Variants in TNS3 observed in about 807,000 individuals in gnomAD.
TNS3 encodes tensin 3, also known as tensin-3.
A neutral mutation model predicts 140.9 loss-of-function variants in TNS3; 45 were observed. The observed-to-expected ratio is 0.32, with a 90% confidence interval of 0.25 to 0.41. The LOEUF (loss-of-function observed/expected upper bound fraction) is 0.41, where lower values mean the gene tolerates loss of function less well. TNS3 is among the 10% of genes least tolerant of loss of function. TNS3 has a pLI of 1.00. For synonymous variants in TNS3, 815 were observed against 788.4 expected (o/e 1.03, Z -0.56); for missense variants, 1,716 against 1,906.7 (o/e 0.90, Z 1.86).
chr7:47,386,530 C>T (rs1352386871), intron 16 of TNS3, among the ~76,000 whole-genome samples: 1 of 152,242 alleles, frequency 6.6e-6, no homozygotes, highest in Non-Finnish European at 1.5e-5. Flanking sequence ...GCTCACATAG[C>T]AAAGTGGTCA....
At position 47,276,983 on chromosome 7, in the gene TNS3, C is replaced by T. The variant is rs1784897715; in HGVS notation, c.*1093G>A. ...CATGTGGGGGATGCTGAGCTTAAAT[C>T]CAGGAGTTTTCCATCCCTCCTGGAC... On this transcript the variant is annotated 3_prime_UTR_variant, in exon 31 of 31. Coordinates refer to ENST00000311160, the MANE Select transcript of TNS3 (RefSeq NM_022748.12). 6.6e-6 allele frequency: 1 copy of T among 152,194 alleles called. No homozygotes were observed. The highest frequency in any genetic ancestry group is 1.5e-5 in the Non-Finnish European group (1 of 68,058). The allele number at this position is 152,194 out of a possible 1,614,324, so 9.4% of individuals were successfully genotyped here.
chr7:47,499,638 T>A (rs1185334012), intron 3 of TNS3, among the ~76,000 whole-genome samples: 1 of 152,208 alleles, frequency 6.6e-6, no homozygotes, highest in Non-Finnish European at 1.5e-5. Context: ...CATGTATGAT[T>A]CCAACCCTAT....
chr7:47,367,573 G>A (rs929654541), intron 17 of TNS3, among the ~76,000 whole-genome samples: 26 of 152,198 alleles, frequency 1.7e-4, no homozygotes, highest in African/African-American at 6.3e-4. Flanking sequence ...ACGGGAAAAG[G>A]ACATGTGCAG....
At chr7:47,460,487 GGTGGGT>G (rs1378566108) in intron 4 of TNS3, among the ~76,000 whole-genome samples, 1 of 152,174 alleles carries the variant, frequency 6.6e-6, no homozygotes, top group Admixed American at 6.5e-5. Flanking sequence ...TGAGATGCCT[GGTGGGT>G]GTTTGGGAAA....
intron 4 of TNS3, among the ~76,000 whole-genome samples, chr7:47,474,272 T>C: frequency 8.3e-6 from 1 of 120,416 alleles, no homozygotes; most frequent in African/African-American, 3.5e-5. Flanking sequence ...ACAAAACACT[T>C]CACACACAAC....
chr7:47,347,899 G>C (rs1789440201), intron 17 of TNS3, among the ~76,000 whole-genome samples: 3 of 152,134 alleles, frequency 2.0e-5, no homozygotes, highest in Admixed American at 2.0e-4. Context: ...CCTCCCACAA[G>C]GGGGAGGATT....
At chr7:47,315,186 C>T (rs1274621450) in intron 20 of TNS3, among the ~76,000 whole-genome samples, 1 of 152,234 alleles carries the variant, frequency 6.6e-6, no homozygotes, top group Middle Eastern at 3.2e-3. Context: ...CCTTAATTCC[C>T]ACAATATTCT....
intron 2 of TNS3, among the ~76,000 whole-genome samples, chr7:47,525,805 C>T (rs1024290493): frequency 3.3e-5 from 5 of 152,360 alleles, no homozygotes; most frequent in Non-Finnish European, 7.3e-5. Flanking sequence ...TGCACCCACA[C>T]ACTCAGGCAC....
intron 16 of TNS3, among the ~76,000 whole-genome samples, chr7:47,392,414 C>T (rs552322305): frequency 2.6e-5 from 4 of 152,144 alleles, no homozygotes; most frequent in East Asian, 1.9e-4. Context: ...CATTCCAGGA[C>T]GGCAACCACT....
intron 11 of TNS3, 119 bp downstream of exon 11, chr7:47,414,975 G>T: frequency 1.4e-6 from 1 of 711,464 alleles, no homozygotes; most frequent in Non-Finnish European, 2.3e-6. Context: ...GGGAGGCAGA[G>T]GAGCAGATCC....
rs372589481 is a variant in TNS3, at chr7:47,344,959, G to A, written c.2531C>T (p.Thr844Ile). ...ILSSKESMCS[T>I]PAFPVSPETP... ...CTCTGGAGACACAGGAAATGCTGGA[G>A]TTGAACACATGGACTCCTTGCTACT... Residue 844 changes from threonine (T) to isoleucine (I), a missense_variant, in exon 19 of 31, where the codon ACT (threonine) becomes ATT (isoleucine). This residue lies in a region of TNS3 where 1,163 missense variants were observed against 1,182.1 expected (regional missense o/e 0.98). Transcript: ENST00000311160. 3.1e-5 allele frequency: 50 copies of A among 1,614,120 alleles called. No individual in the cohort carries two copies. The highest frequency in any genetic ancestry group is 4.1e-5 in the Non-Finnish European group (48 of 1,180,052).
At chr7:47,450,626 A>T (rs767177944) in intron 4 of TNS3, among the ~76,000 whole-genome samples, 1 of 152,172 alleles carries the variant, frequency 6.6e-6, no homozygotes, top group African/African-American at 2.4e-5. Context: ...CCCTCTTCCC[A>T]GGGGGGCTCT....
intron 3 of TNS3, among the ~76,000 whole-genome samples, chr7:47,502,457 G>T (rs1224229823): frequency 6.6e-6 from 1 of 152,188 alleles, no homozygotes; most frequent in Non-Finnish European, 1.5e-5. Flanking sequence ...GTTTTCCATG[G>T]CAGAGGACCA....
chr7:47,394,379 G>A (rs948508856), intron 16 of TNS3, among the ~76,000 whole-genome samples: 2 of 152,186 alleles, frequency 1.3e-5, no homozygotes, highest in African/African-American at 2.4e-5. Context: ...ACACAAGAAG[G>A]CAGGAGTTGG....
At chr7:47,338,775 C>T (rs376477897) in intron 20 of TNS3, among the ~76,000 whole-genome samples, 23 of 152,142 alleles carry the variant, frequency 1.5e-4, no homozygotes, top group African/African-American at 5.1e-4. Flanking sequence ...CAGGTCTTTG[C>T]TATTGTGAAT....
intron 20 of TNS3, among the ~76,000 whole-genome samples, chr7:47,306,534 ATTT>A (rs990783918): frequency 6.6e-6 from 1 of 152,012 alleles, no homozygotes; most frequent in African/African-American, 2.4e-5. Flanking sequence ...AAAAATTACT[ATTT>A]TTATTTAGCA....
At chr7:47,475,418 G>A (rs1159228686) in intron 4 of TNS3, among the ~76,000 whole-genome samples, 2 of 152,248 alleles carry the variant, frequency 1.3e-5, no homozygotes, top group Non-Finnish European at 2.9e-5. Flanking sequence ...GGACCTGCCC[G>A]GAGCTGGATC....
chr7:47,476,355 G>A (rs747012870), intron 4 of TNS3, among the ~76,000 whole-genome samples: 18 of 152,138 alleles, frequency 1.2e-4, no homozygotes, highest in African/African-American at 2.9e-4. Context: ...TGAGCACTGC[G>A]TGTACACATA....
At chr7:47,555,413 AAAAAG>A (rs1800170496) in intron 1 of TNS3, among the ~76,000 whole-genome samples, 1 of 152,180 alleles carries the variant, frequency 6.6e-6, no homozygotes, top group Non-Finnish European at 1.5e-5. Context: ...AAAAAAAAAA[AAAAAG>A]AAAGTTACAC....
Sources: allele counts gnomAD v4.1 joint callset (sites outside exome capture counted in the v4.1 genomes callset), GRCh38; gene constraint gnomAD v4.1.1; regional missense constraint gnomAD v4.1.1; transcripts MANE v1.5; gene names NCBI Gene and HGNC (gene_info 2026-07-23, HGNC 2026-07-21).